Variants in ATRNL1 observed in about 807,000 individuals in gnomAD.
ATRNL1 encodes the protein attractin like 1, also known as attractin-like protein 1.
In ATRNL1, 95 loss-of-function variants were observed where a neutral mutation model predicts 182.7. That is an observed-to-expected ratio of 0.52 (90% CI 0.44 to 0.62). The LOEUF (loss-of-function observed/expected upper bound fraction) is 0.62, where lower values mean the gene tolerates loss of function less well. Ranked by LOEUF, ATRNL1 falls within the 20% of genes least tolerant of loss-of-function variation. The probability of loss-of-function intolerance (pLI) is 0.00; values close to 1 mark genes in which losing one functional copy is unlikely to be tolerated. For missense variants in ATRNL1, 1,471 were observed against 1,679.5 expected (o/e 0.88, Z 2.17); for synonymous variants, 576 against 568.3 (o/e 1.01, Z -0.19).
chr10:115,359,372 C>T (rs909256936), intron 19 of ATRNL1, among the ~76,000 whole-genome samples: 2 of 151,376 alleles, frequency 1.3e-5, no homozygotes, highest in South Asian at 2.1e-4. Flanking sequence ...TTTATATTAT[C>T]GAAAAGAAAA....
chr10:115,645,518 AT>A (rs782661892), intron 26 of ATRNL1, among the ~76,000 whole-genome samples: 4 of 148,390 alleles, frequency 2.7e-5, no homozygotes, highest in East Asian at 1.9e-4. Flanking sequence ...ATATAAAAAA[AT>A]ATATATCCCT....
intron 26 of ATRNL1, among the ~76,000 whole-genome samples, chr10:115,697,447 T>C (rs1345631056): frequency 6.6e-6 from 1 of 152,106 alleles, no homozygotes; most frequent in African/African-American, 2.4e-5. Flanking sequence ...CACCTCAGCC[T>C]CCCGAATAGC....
At chr10:115,485,937 C>T (rs1034599902) in intron 24 of ATRNL1, among the ~76,000 whole-genome samples, 3 of 150,514 alleles carry the variant, frequency 2.0e-5, no homozygotes, top group Admixed American at 1.3e-4. Context: ...TCCCCGCCCC[C>T]ACTCCTGTCA....
chr10:115,416,382 T>TA (rs1410810300), intron 20 of ATRNL1, among the ~76,000 whole-genome samples: 1 of 152,176 alleles, frequency 6.6e-6, no homozygotes, highest in African/African-American at 2.4e-5. Context: ...AAAACCATTT[T>TA]AATACATTCA....
At chr10:115,524,540 G>A (rs1473608689) in intron 25 of ATRNL1, among the ~76,000 whole-genome samples, 1 of 152,126 alleles carries the variant, frequency 6.6e-6, no homozygotes, top group Admixed American at 6.6e-5. Flanking sequence ...ACTTTTAGTG[G>A]TGGCATTAAT....
chr10:115,623,289 G>T (rs534735865), intron 26 of ATRNL1, among the ~76,000 whole-genome samples: 1 of 152,182 alleles, frequency 6.6e-6, no homozygotes, highest in South Asian at 2.1e-4. Context: ...CAGACAGACC[G>T]CATTCTGTTA....
intron 26 of ATRNL1, among the ~76,000 whole-genome samples, chr10:115,713,700 TCTATCATC>T (rs151265683): frequency 0.1 from 13,361 of 130,496 alleles, 719 homozygotes; most frequent in Admixed American, 0.18. Context: ...TATCTATCTA[TCTATCATC>T]TATCTATCTA....
intron 26 of ATRNL1, among the ~76,000 whole-genome samples, chr10:115,574,115 G>A (rs1854567006): frequency 6.6e-6 from 1 of 151,680 alleles, no homozygotes; most frequent in Non-Finnish European, 1.5e-5. Flanking sequence ...ACGATAAAAA[G>A]CAAACTAGCA....
At chr10:115,285,020 CCTT>C (rs1592379704) in intron 14 of ATRNL1, among the ~76,000 whole-genome samples, 1 of 152,034 alleles carries the variant, frequency 6.6e-6, no homozygotes, top group African/African-American at 2.4e-5. Flanking sequence ...ATTCATTAAT[CCTT>C]CTTTATTTTT....
intron 24 of ATRNL1, among the ~76,000 whole-genome samples, chr10:115,492,567 T>C (rs894021323): frequency 2.0e-5 from 3 of 148,376 alleles, no homozygotes; most frequent in East Asian, 3.9e-4. Flanking sequence ...GTATATTTTA[T>C]ATTTATATTT....
intron 21 of ATRNL1, among the ~76,000 whole-genome samples, chr10:115,428,725 A>G (rs1237842923): frequency 5.9e-5 from 9 of 152,012 alleles, no homozygotes; most frequent in African/African-American, 2.2e-4. Flanking sequence ...ATATACTACC[A>G]TTTTTGTCCA....
intron 25 of ATRNL1, 123 bp downstream of exon 25, chr10:115,519,447 A>T: frequency 1.3e-6 from 1 of 752,440 alleles, no homozygotes; most frequent in Non-Finnish European, 2.2e-6. Context: ...TGTCTTGAAT[A>T]GCTTTATATG....
At chr10:115,772,003 C>G (rs1949005432) in intron 27 of ATRNL1, among the ~76,000 whole-genome samples, 1 of 152,168 alleles carries the variant, frequency 6.6e-6, no homozygotes, top group African/African-American at 2.4e-5. Flanking sequence ...GTTGACTGAA[C>G]ATATTGAACA....
At chr10:115,706,871 G>GAAA (rs1555053193) in intron 26 of ATRNL1, among the ~76,000 whole-genome samples, 2 of 151,722 alleles carry the variant, frequency 1.3e-5, no homozygotes, top group African/African-American at 2.4e-5. Flanking sequence ...AATGGCTTCT[G>GAAA]AAAAAGATTA....
chr10:115,478,765 G>A (rs1323391085), intron 24 of ATRNL1, among the ~76,000 whole-genome samples: 1 of 151,542 alleles, frequency 6.6e-6, no homozygotes, highest in Non-Finnish European at 1.5e-5. Flanking sequence ...GTTATTTAAA[G>A]TATATGAAAA....
At chr10:115,450,910 A>G (rs1554967523) in intron 21 of ATRNL1, among the ~76,000 whole-genome samples, 2 of 152,178 alleles carry the variant, frequency 1.3e-5, no homozygotes, top group Admixed American at 6.5e-5. Flanking sequence ...ACAGCATGAT[A>G]CTGGTACAAA....
chr10:115,595,709 T>A (rs17093335), intron 26 of ATRNL1, among the ~76,000 whole-genome samples: 2,963 of 152,288 alleles, frequency 0.019, 63 homozygotes, highest in East Asian at 0.12. Flanking sequence ...ATATGGCAGT[T>A]GCTCAGTTTT....
intron 1 of ATRNL1, among the ~76,000 whole-genome samples, chr10:115,099,856 C>T (rs1554864162): frequency 6.6e-6 from 1 of 152,176 alleles, no homozygotes; most frequent in African/African-American, 2.4e-5. Context: ...CATATATTTT[C>T]TACCAGTCTG....
chr10:115,116,209 T>C (rs543834238), intron 1 of ATRNL1, among the ~76,000 whole-genome samples: 1 of 152,176 alleles, frequency 6.6e-6, no homozygotes, highest in South Asian at 2.1e-4. Flanking sequence ...AGGCTAGTAG[T>C]TTATGTAGTA....
Sources: allele counts gnomAD v4.1 joint callset (sites outside exome capture counted in the v4.1 genomes callset), GRCh38; gene constraint gnomAD v4.1.1; transcripts MANE v1.5; gene names NCBI Gene and HGNC (gene_info 2026-07-23, HGNC 2026-07-21).